The following GPHN variants were observed in gnomAD, a reference collection of about 807,000 sequenced individuals.
GPHN encodes gephyrin.
Under a neutral mutation model 95.5 loss-of-function variants are expected in GPHN, and 17 were observed. That is an observed-to-expected ratio of 0.18 (90% confidence interval 0.12 to 0.27). The LOEUF (loss-of-function observed/expected upper bound fraction) is 0.27, where lower values mean the gene tolerates loss of function less well. Ranked by LOEUF, GPHN falls within the 10% of genes least tolerant of loss-of-function variation. The pLI is 1.00. For missense variants in GPHN, 660 were observed against 978.1 expected, an observed-to-expected ratio of 0.67 and a Z score of 4.34; for synonymous variants, 320 against 322.5, an observed-to-expected ratio of 0.99 and a Z score of 0.08.
chr14:66,508,184 C>G lies in GPHN; in HGVS notation c.-344C>G. On this transcript the variant is annotated 5_prime_UTR_variant, in exon 1 of 23. Transcript: ENST00000478722. ...GTCCTGCCATCTAGCTGCCTTGGGT[C>G]TCGCGCTCCGCAGAGCGTTCCGACA... 1 of 488,712 alleles carries G rather than the reference C, an allele frequency of 2.0e-6. No individual in the cohort carries two copies. Among genetic ancestry groups the G allele is most frequent in the Non-Finnish European group, 3.8e-6 (1 of 266,288 alleles). The allele number at this position is 488,712 out of a possible 1,614,324, so 30.3% of individuals were successfully genotyped here.
chr14:66,776,433 T>C, intron 2 of GPHN, 31 bp from the exon 3 acceptor site: 1 of 1,310,422 alleles, frequency 7.6e-7, no homozygotes, highest in Non-Finnish European at 1.1e-6. Context: ...CTATTGCTGG[T>C]TTTGAGAATA....
chr14:66,857,222 AT>A (rs1437385488), intron 4 of GPHN, among the ~76,000 whole-genome samples: 1 of 152,166 alleles, frequency 6.6e-6, no homozygotes, highest in Non-Finnish European at 1.5e-5. Flanking sequence ...TCCAAAGTAC[AT>A]TATATCAGAG....
At chr14:66,702,386 G>A (rs780779869) in intron 2 of GPHN, among the ~76,000 whole-genome samples, 3 of 152,152 alleles carry the variant, frequency 2.0e-5, no homozygotes, top group African/African-American at 4.8e-5. Flanking sequence ...ATACAGGAGC[G>A]ATCCTACTGG....
the GPHN span, among the ~76,000 whole-genome samples, chr14:67,251,532 C>T: frequency 6.6e-6 from 1 of 151,854 alleles, no homozygotes; most frequent in African/African-American, 2.4e-5. Context: ...GAACGAGAAC[C>T]TGTCTCAAAA....
chr14:66,901,355 C>T (rs1456268864), intron 5 of GPHN, among the ~76,000 whole-genome samples: 1 of 151,896 alleles, frequency 6.6e-6, no homozygotes, highest in Non-Finnish European at 1.5e-5. Flanking sequence ...CTGATTGTGT[C>T]CTTTGCTGTG....
At chr14:66,568,005 A>G (rs1423226148) in intron 1 of GPHN, among the ~76,000 whole-genome samples, 1 of 152,194 alleles carries the variant, frequency 6.6e-6, no homozygotes, top group Non-Finnish European at 1.5e-5. Flanking sequence ...GAAAATGTTT[A>G]TAAGTGCACA....
At chr14:67,443,770 A>G in the GPHN span, among the ~76,000 whole-genome samples, 1 of 152,186 alleles carries the variant, frequency 6.6e-6, no homozygotes, top group Non-Finnish European at 1.5e-5. Flanking sequence ...TAACATCTCT[A>G]AAAAATAAAA....
At chr14:66,597,482 A>G (rs1051982999) in intron 1 of GPHN, among the ~76,000 whole-genome samples, 6 of 152,048 alleles carry the variant, frequency 3.9e-5, no homozygotes, top group African/African-American at 1.4e-4. Context: ...ATACCCAGCT[A>G]TGTCATGACA....
At chr14:66,775,501 T>C (rs2059349337) in intron 2 of GPHN, among the ~76,000 whole-genome samples, 1 of 152,162 alleles carries the variant, frequency 6.6e-6, no homozygotes, top group Non-Finnish European at 1.5e-5. Flanking sequence ...TTTAACCCAA[T>C]ATATCAAAAT....
chr14:66,943,569 G>A (rs1192693895), intron 8 of GPHN, among the ~76,000 whole-genome samples: 1 of 152,146 alleles, frequency 6.6e-6, no homozygotes, highest in Non-Finnish European at 1.5e-5. Flanking sequence ...ATATTTTAAT[G>A]ACATCTGCTT....
intron 8 of GPHN, among the ~76,000 whole-genome samples, chr14:66,934,431 C>T (rs542075239): frequency 6.6e-6 from 1 of 152,256 alleles, no homozygotes; most frequent in East Asian, 1.9e-4. Flanking sequence ...ACCACATTTC[C>T]CAGTCATGTA....
chr14:67,001,874 TCAAATA>T (rs1378076457), intron 9 of GPHN, among the ~76,000 whole-genome samples: 4 of 151,758 alleles, frequency 2.6e-5, no homozygotes, highest in Non-Finnish European at 5.9e-5. Context: ...TTTTAAAGAC[TCAAATA>T]AGTATCTTCT....
At chr14:67,428,537 T>G in the GPHN span, among the ~76,000 whole-genome samples, 5 of 152,208 alleles carry the variant, frequency 3.3e-5, no homozygotes, top group Non-Finnish European at 5.9e-5. Flanking sequence ...AGTTAAGTAC[T>G]TTGTCCAAGT....
At chr14:67,583,628 C>T in the GPHN span, 5 of 722,626 alleles carry the variant, frequency 6.9e-6, no homozygotes, top group South Asian at 2.4e-5. Context: ...CACAACCACT[C>T]GCACCCCACC....
At chr14:67,132,325 A>G (rs921975716) in intron 17 of GPHN, among the ~76,000 whole-genome samples, 1 of 152,196 alleles carries the variant, frequency 6.6e-6, no homozygotes, top group African/African-American at 2.4e-5. Flanking sequence ...GAGTTTTCTA[A>G]TCATCAACGA....
At chr14:67,713,101 G>A in the GPHN span, among the ~76,000 whole-genome samples, 1 of 151,954 alleles carries the variant, frequency 6.6e-6, no homozygotes, top group African/African-American at 2.4e-5. Flanking sequence ...CAACTTATAT[G>A]ATCACTGAGC....
At chr14:67,040,216 G>C (rs2074630095) in intron 10 of GPHN, among the ~76,000 whole-genome samples, 1 of 152,006 alleles carries the variant, frequency 6.6e-6, no homozygotes, top group Non-Finnish European at 1.5e-5. Context: ...GAATAGTATA[G>C]AGAATTCCTG....
At chr14:67,611,466 C>A in the GPHN span, among the ~76,000 whole-genome samples, 1 of 151,778 alleles carries the variant, frequency 6.6e-6, no homozygotes, top group African/African-American at 2.4e-5. Flanking sequence ...GGGGTTTCAC[C>A]GTATTGGGCA....
intron 1 of GPHN, among the ~76,000 whole-genome samples, chr14:66,572,875 A>G (rs2060752705): frequency 6.6e-6 from 1 of 152,134 alleles, no homozygotes; most frequent in African/African-American, 2.4e-5. Context: ...ACTGTTGTGT[A>G]TGATGTTAGC....
Sources: allele counts gnomAD v4.1 joint callset (sites outside exome capture counted in the v4.1 genomes callset), GRCh38; gene constraint gnomAD v4.1.1; transcripts MANE v1.5; gene names NCBI Gene and HGNC (gene_info 2026-07-23, HGNC 2026-07-21).